Variants in SH3BP4 observed in about 807,000 individuals in gnomAD.
SH3BP4 encodes the protein SH3 domain binding protein 4, also known as SH3 domain-binding protein 4.
In SH3BP4, 33 loss-of-function variants were observed where a neutral mutation model predicts 65.5. The observed-to-expected ratio is 0.50, with a 90% confidence interval of 0.38 to 0.67. SH3BP4 has a LOEUF of 0.67. Ranked by LOEUF, SH3BP4 falls within the 30% of genes least tolerant of loss-of-function variation. The pLI, the probability that SH3BP4 is intolerant of heterozygous loss-of-function variation, is 0.00. For synonymous variants in SH3BP4, 552 were observed against 545.5 expected, an observed-to-expected ratio of 1.01 and a Z score of -0.17; for missense variants, 1,134 against 1,261.4, an observed-to-expected ratio of 0.90 and a Z score of 1.53.
chr2:234,990,730 G>A (rs1693723460), intron 1 of SH3BP4, among the ~76,000 whole-genome samples: 1 of 152,210 alleles, frequency 6.6e-6, no homozygotes, highest in African/African-American at 2.4e-5. Flanking sequence ...TGTTGTCAAT[G>A]AACCACAAAC....
At chr2:234,989,414 A>C (rs1239817735) in intron 1 of SH3BP4, among the ~76,000 whole-genome samples, 1 of 151,914 alleles carries the variant, frequency 6.6e-6, no homozygotes, top group East Asian at 1.9e-4. Flanking sequence ...GCCATCTCCT[A>C]CCCTAGCTGG....
intron 2 of SH3BP4, among the ~76,000 whole-genome samples, chr2:235,022,571 A>G (rs1183539262): frequency 6.6e-6 from 1 of 152,150 alleles, no homozygotes; most frequent in Admixed American, 6.5e-5. Context: ...ACTAATGGTC[A>G]AAGGAGGGTG....
chr2:235,033,707 C>T lies in SH3BP4; in HGVS notation c.-132-1164C>T, dbSNP rs551038550. Among the ~76,000 whole-genome samples, 7 of 152,302 alleles carry T rather than the reference C, an allele frequency of 4.6e-5. No individual in the cohort carries two copies. The South Asian group carries it at 1.5e-3, about 32-fold the overall frequency. ...GACACACGCCTTGCTCTGCTCACTGCACAGGGGCTCTCCAAGCCATGCTCA... is the reference window on the plus strand; with the variant it reads ...GACACACGCCTTGCTCTGCTCACTGTACAGGGGCTCTCCAAGCCATGCTCA... On this transcript the variant is annotated intron_variant, in intron 2 of 5. Coordinates refer to ENST00000392011, the MANE Select transcript of SH3BP4 (RefSeq NM_014521.3). The surrounding 1 kb of genome is among the most constrained non-coding windows in gnomAD (Gnocchi z 5.7).
chr2:235,010,625 G>A (rs1297695058), intron 2 of SH3BP4, among the ~76,000 whole-genome samples: 1 of 152,220 alleles, frequency 6.6e-6, no homozygotes, highest in Non-Finnish European at 1.5e-5. Context: ...CAGTGCCAAG[G>A]ACTGCGTGCC....
intron 1 of SH3BP4, among the ~76,000 whole-genome samples, chr2:234,983,813 G>C (rs913661771): frequency 7.2e-5 from 11 of 152,228 alleles, no homozygotes; most frequent in African/African-American, 2.7e-4. Flanking sequence ...GGCAGCCACG[G>C]GATGCAGGAA....
At position 235,041,093 on chromosome 2, in the gene SH3BP4, T is replaced by C. The variant is rs375859988; in HGVS notation, c.324T>C (p.Tyr108=). The change falls in exon 4 of 6, where the codon TAT becomes TAC. Residue 108 remains tyrosine, a synonymous_variant. Coordinates refer to ENST00000392011, the MANE Select transcript of SH3BP4 (RefSeq NM_014521.3). The surrounding 1 kb of genome is among the most constrained non-coding windows in gnomAD (Gnocchi z 6.0). ...TTEMGYIPSS[Y]VQPLNYRNST... is the part of the protein sequence containing the mutation. ...AAATGGGCTACATCCCCTCCTCCTA[T>C]GTGCAGCCCTTGAACTACCGGAACT... The C allele has an allele frequency of 3.3e-5, 53 of 1,613,982 alleles. 1 individual carries two copies. Among genetic ancestry groups the C allele is most frequent in the Non-Finnish European group, 4.2e-5 (49 of 1,180,008 alleles).
At chr2:234,962,837 C>T (rs1017614846) in intron 1 of SH3BP4, among the ~76,000 whole-genome samples, 5 of 151,898 alleles carry the variant, frequency 3.3e-5, no homozygotes, top group South Asian at 4.2e-4. Flanking sequence ...GCGATTCTCC[C>T]GCCTCAGCCT....
chr2:234,972,136 T>G (rs112238463), intron 1 of SH3BP4, among the ~76,000 whole-genome samples: 1,609 of 147,430 alleles, frequency 0.011, 14 homozygotes, highest in African/African-American at 0.013. Context: ...TGTTTTTTGT[T>G]TTTTTTTTGT....
Position 234,978,364 on chromosome 2 carries a change from G to A in SH3BP4, c.-206-16939G>A, listed in dbSNP as rs927874396. ...AGTACCTGACAGCCTGTACAGCAGT[G>A]GTGCCAGGTGAGGAGGGTGGGTAAA... On this transcript the variant is annotated intron_variant, in intron 1 of 5. Coordinates refer to ENST00000392011, the MANE Select transcript of SH3BP4 (RefSeq NM_014521.3). The surrounding 1 kb of genome is among the most constrained non-coding windows in gnomAD (Gnocchi z 4.1). Among the ~76,000 whole-genome samples, 1 of 152,160 alleles carries A rather than the reference G, an allele frequency of 6.6e-6. No homozygotes were observed. The highest frequency in any genetic ancestry group is 1.5e-5 in the Non-Finnish European group (1 of 68,034).
At position 235,046,894 on chromosome 2, in the gene SH3BP4, C is replaced by T. The variant is rs546309662; in HGVS notation, c.2478+3647C>T. On this transcript the variant is annotated intron_variant, in intron 4 of 5. Transcript: ENST00000392011. The surrounding 1 kb of genome is among the most constrained non-coding windows in gnomAD (Gnocchi z 4.2). ...TTTTGTGCCTGTTTTTGATAGAGTCCGTGTGTGAGGCATCCCCGTACCTCT... is the reference window on the plus strand; with the variant it reads ...TTTTGTGCCTGTTTTTGATAGAGTCTGTGTGTGAGGCATCCCCGTACCTCT... 8.5e-5 allele frequency among the ~76,000 whole-genome samples: 13 copies of T among 152,142 alleles called. No individual in the cohort carries two copies. The East Asian group carries it at 2.1e-3, about 25-fold the overall frequency.
Position 235,042,454 on chromosome 2 carries a change from T to A in SH3BP4, c.1685T>A (p.Phe562Tyr), listed in dbSNP as rs1695696583. The change falls in exon 4 of 6, where the codon TTC (phenylalanine) becomes TAC (tyrosine). Residue 562 changes from phenylalanine to tyrosine, a missense_variant. By Grantham distance (22) the Phe-to-Tyr change is conservative. Coordinates refer to ENST00000392011, the MANE Select transcript of SH3BP4 (RefSeq NM_014521.3). This position sits in a 1 kb window ranked among gnomAD's most constrained non-coding sequence, Gnocchi z 7.3. The stretch of plus-strand genomic sequence containing the variant: ...GAGCAGGCCAAAGTGGTGCGAGGAT[T>A]CCAGCTGAAGCTGGGCAAGGTGAGC... ...ASEQAKVVRG[F>Y]QLKLGKVSRL... 6.2e-7 allele frequency: 1 copy of A among 1,614,102 alleles called. No individual in the cohort carries two copies. The highest frequency in any genetic ancestry group is 8.5e-7 in the Non-Finnish European group (1 of 1,180,008).
At position 234,991,060 on chromosome 2, in the gene SH3BP4, T is replaced by C. The variant is rs1025577606; in HGVS notation, c.-206-4243T>C. On this transcript the variant is annotated intron_variant, in intron 1 of 5. Transcript: ENST00000392011. The surrounding 1 kb of genome is among the most constrained non-coding windows in gnomAD (Gnocchi z 4.2). ...GCTTGATTGCACCTTGAACACTCTG[T>C]CTCCAAATAAGGTCACTTTCTGAGG... Among the ~76,000 whole-genome samples the C allele has an allele frequency of 6.6e-6, 1 of 152,138 alleles. No homozygotes were observed. Among genetic ancestry groups the C allele is most frequent in the East Asian group, 1.9e-4 (1 of 5,184 alleles).
chr2:235,038,259 TATATATTATATATA>T (rs1695460378), intron 3 of SH3BP4, among the ~76,000 whole-genome samples: 1 of 24,890 alleles, frequency 4.0e-5, no homozygotes, highest in African/African-American at 3.9e-4. Context: ...TTATATATAA[TATATATTATATATA>T]ATATATATTA....
rs151072894 is a variant in SH3BP4 at position 235,044,143 on chromosome 2, C to A, written c.2478+896C>A. On this transcript the variant is annotated intron_variant, in intron 4 of 5. Coordinates refer to ENST00000392011, the MANE Select transcript of SH3BP4 (RefSeq NM_014521.3). Reference sequence around the variant, plus strand: ...ATGTGAGTTTTTCTTGCCTTTGCTTCCTTGAAGCTTCTAACATCTCTGTAT... The same window carrying A: ...ATGTGAGTTTTTCTTGCCTTTGCTTACTTGAAGCTTCTAACATCTCTGTAT... Among the ~76,000 whole-genome samples the A allele has an allele frequency of 1.3e-3, 203 of 152,342 alleles. 1 individual carries two copies. Among genetic ancestry groups the A allele is most frequent in the Middle Eastern group, 6.8e-3 (2 of 294 alleles).
intron 2 of SH3BP4, among the ~76,000 whole-genome samples, chr2:235,001,790 G>C (rs1410149550): frequency 6.6e-6 from 1 of 152,198 alleles, no homozygotes; most frequent in Non-Finnish European, 1.5e-5. Flanking sequence ...GTTCCGGCCT[G>C]GACATTTCAG....
chr2:234,999,640 T>C (rs984390294), intron 2 of SH3BP4, among the ~76,000 whole-genome samples: 9 of 152,220 alleles, frequency 5.9e-5, no homozygotes, highest in Admixed American at 1.3e-4. Context: ...TCCTTGGGCC[T>C]CAGTTTTCTC....
rs767106011 is a variant in SH3BP4 at position 234,997,160 on chromosome 2, C to T, written c.-133+1784C>T. ...GGTGGGGTGTAGGGGTGCTTGGGGG[C>T]GTGGGTCCCCACAGCAGTTAGAGAC... On this transcript the variant is annotated intron_variant, in intron 2 of 5. Transcript: ENST00000392011. This position sits in a 1 kb window ranked among gnomAD's most constrained non-coding sequence, Gnocchi z 4.2. 2.2e-4 allele frequency among the ~76,000 whole-genome samples: 34 copies of T among 152,260 alleles called. No individual in the cohort carries two copies. Among genetic ancestry groups the T allele is most frequent in the African/African-American group, 8.2e-4 (34 of 41,566 alleles).
chr2:235,030,491 T>C lies in SH3BP4; in HGVS notation c.-132-4380T>C, dbSNP rs1222017893. Among the ~76,000 whole-genome samples, 5 of 152,092 alleles carry C rather than the reference T, an allele frequency of 3.3e-5. No homozygotes were observed. Among genetic ancestry groups the C allele is most frequent in the African/African-American group, 1.2e-4 (5 of 41,408 alleles). ...GGAGCTATGAGCGCAGCCTGTGCTG[T>C]AAGGGGAGGACACATAACCGTCAGC... On this transcript the variant is annotated intron_variant, in intron 2 of 5. Transcript: ENST00000392011. The surrounding 1 kb of genome is among the most constrained non-coding windows in gnomAD (Gnocchi z 4.1).
chr2:234,987,568 C>G (rs1001124654), intron 1 of SH3BP4, among the ~76,000 whole-genome samples: 1 of 152,188 alleles, frequency 6.6e-6, no homozygotes, highest in Non-Finnish European at 1.5e-5. Context: ...CGCCTCCCCC[C>G]AACATGGGCG....
Sources: allele counts gnomAD v4.1 joint callset (sites outside exome capture counted in the v4.1 genomes callset), GRCh38; gene constraint gnomAD v4.1.1; non-coding constraint Gnocchi (gnomAD v3.1); transcripts MANE v1.5; gene names NCBI Gene and HGNC (gene_info 2026-07-23, HGNC 2026-07-21).